RBPJ: variants seen among roughly 807,000 people sequenced by gnomAD.
RBPJ encodes the protein recombining binding protein suppressor of hairless.
In RBPJ, 9 loss-of-function variants were observed where a neutral mutation model predicts 67.8. That is an observed-to-expected ratio of 0.13 (90% CI 0.08 to 0.23). The LOEUF (loss-of-function observed/expected upper bound fraction) is 0.23, where lower values mean the gene tolerates loss of function less well. Among genes scored for constraint, RBPJ ranks in the 10% least tolerant of loss-of-function variants. The pLI, the probability that RBPJ is intolerant of heterozygous loss-of-function variation, is 1.00. For synonymous variants in RBPJ, 198 were observed against 203.3 expected (o/e 0.97, Z 0.22); for missense variants, 305 against 595.6 (o/e 0.51, Z 5.08).
At chr4:26,133,965 G>T in the RBPJ span, among the ~76,000 whole-genome samples, 1 of 151,934 alleles carries the variant, frequency 6.6e-6, no homozygotes, top group African/African-American at 2.4e-5. Flanking sequence ...TCTCCAACAG[G>T]GACTGTCAGA....
chr4:26,397,049 G>A (rs1732192909), intron 2 of RBPJ, among the ~76,000 whole-genome samples: 2 of 152,226 alleles, frequency 1.3e-5, no homozygotes, highest in African/African-American at 4.8e-5. Context: ...GGAGATCTTA[G>A]TCTGGTCTAA....
At position 26,431,185 on chromosome 4, in the gene RBPJ, A is replaced by T. The variant is rs1289236648; in HGVS notation, c.*178A>T. On this transcript the variant is annotated 3_prime_UTR_variant, in exon 11 of 11. Coordinates refer to ENST00000355476, the MANE Select transcript of RBPJ (RefSeq NM_015874.6). ...TGATTTGAAATGCAGAAGCCACAGT[A>T]AAAAAAAAAAAAAAAAAAAAAAAAA... 1.1e-4 allele frequency: 12 copies of T among 107,380 alleles called. No individual in the cohort carries two copies. The highest frequency in any genetic ancestry group is 4.2e-4 in the East Asian group (2 of 4,750). The allele number at this position is 107,380 out of a possible 1,614,324, so 6.7% of individuals were successfully genotyped here.
At chr4:26,156,169 T>C in the RBPJ span, among the ~76,000 whole-genome samples, 1 of 152,154 alleles carries the variant, frequency 6.6e-6, no homozygotes, top group South Asian at 2.1e-4. Flanking sequence ...TGTATAAAAA[T>C]ACCTAGTGCA....
intron 3 of RBPJ, among the ~76,000 whole-genome samples, chr4:26,411,424 G>T (rs1266717424): frequency 2.0e-5 from 3 of 151,732 alleles, no homozygotes; most frequent in Non-Finnish European, 4.4e-5. Context: ...CGAAGTATGG[G>T]CAACAACTTG....
At chr4:26,167,186 C>G (rs1242346534) in intron 1 of RBPJ, among the ~76,000 whole-genome samples, 3 of 152,032 alleles carry the variant, frequency 2.0e-5, no homozygotes, top group Non-Finnish European at 4.4e-5. Flanking sequence ...TTAGGATTGA[C>G]TTGGCGATGC....
the RBPJ span, among the ~76,000 whole-genome samples, chr4:26,134,327 G>T: frequency 0.5 from 76,637 of 151,920 alleles, 19,383 homozygotes; most frequent in East Asian, 0.59. Context: ...CATGACCTGA[G>T]ACATAATTTG....
chr4:26,131,869 C>T, the RBPJ span, among the ~76,000 whole-genome samples: 1 of 152,296 alleles, frequency 6.6e-6, no homozygotes, highest in South Asian at 2.1e-4. Flanking sequence ...CAATAGATCC[C>T]ACCTCTCCCC....
intron 1 of RBPJ, among the ~76,000 whole-genome samples, chr4:26,173,149 T>C (rs1327165178): frequency 6.6e-6 from 1 of 152,168 alleles, no homozygotes; most frequent in Non-Finnish European, 1.5e-5. Flanking sequence ...TTTTTTTCTT[T>C]TTTTGAGACA....
At chr4:26,141,789 C>T in the RBPJ span, among the ~76,000 whole-genome samples, 2 of 152,198 alleles carry the variant, frequency 1.3e-5, no homozygotes, top group African/African-American at 4.8e-5. Context: ...ACCAACCTCT[C>T]CTTATCCTCT....
At chr4:26,224,760 T>C (rs949044500) in intron 1 of RBPJ, among the ~76,000 whole-genome samples, 6 of 152,246 alleles carry the variant, frequency 3.9e-5, no homozygotes, top group Admixed American at 2.0e-4. Flanking sequence ...GCTAAATGTA[T>C]GCCAGTCAGG....
chr4:26,408,141 T>C (rs1040038913), intron 3 of RBPJ, among the ~76,000 whole-genome samples: 2 of 152,010 alleles, frequency 1.3e-5, no homozygotes, highest in Non-Finnish European at 2.9e-5. Flanking sequence ...TCCCAAAGGA[T>C]TACAGGCATG....
At chr4:26,315,487 A>C (rs1722581878), upstream of RBPJ, among the ~76,000 whole-genome samples, 1 of 152,086 alleles carries the variant, frequency 6.6e-6, no homozygotes, top group Admixed American at 6.6e-5. Flanking sequence ...AGGAGAACAA[A>C]GATCACATGC....
At chr4:26,138,376 A>G in the RBPJ span, among the ~76,000 whole-genome samples, 147 of 151,472 alleles carry the variant, frequency 9.7e-4, no homozygotes, top group African/African-American at 3.5e-3. Context: ...CACTAGAGAA[A>G]AAAAAAAAGG....
At chr4:26,394,971 C>G (rs1165121353) in intron 2 of RBPJ, among the ~76,000 whole-genome samples, 1 of 152,088 alleles carries the variant, frequency 6.6e-6, no homozygotes, top group Non-Finnish European at 1.5e-5. Flanking sequence ...AATATTTTTT[C>G]TCTGTCACTT....
chr4:26,109,448 CTCTCTCTCTCTCTATATA>C, the RBPJ span, among the ~76,000 whole-genome samples: 3 of 26,326 alleles, frequency 1.1e-4, no homozygotes, highest in African/African-American at 5.2e-4. Flanking sequence ...CTCTCTCTCT[CTCTCTCTCTCTCTATATA>C]TATATATATA....
intron 1 of RBPJ, among the ~76,000 whole-genome samples, chr4:26,203,495 T>C (rs978622510): frequency 1.3e-5 from 2 of 152,130 alleles, no homozygotes; most frequent in Non-Finnish European, 2.9e-5. Context: ...CTGTCATAAA[T>C]TTATTTATCT....
intron 1 of RBPJ, among the ~76,000 whole-genome samples, chr4:26,357,973 G>A (rs1292272758): frequency 1.3e-5 from 2 of 151,570 alleles, no homozygotes; most frequent in East Asian, 1.9e-4. Context: ...TAAGTAACTT[G>A]GGTTACTTAT....
Position 26,430,393 on chromosome 4 carries a change from G to T in RBPJ, c.1045-26G>T, listed in dbSNP as rs757139957. 3 of 1,552,696 alleles carry T rather than the reference G, an allele frequency of 1.9e-6. No homozygotes were observed. The South Asian group carries it at 3.4e-5, about 17-fold the overall frequency. ...TAATGAAAAATGAAAAGTTTTCTCAGTGTTGTGATTTTCTGTGAATTGCAG... is the reference window on the plus strand; with the variant it reads ...TAATGAAAAATGAAAAGTTTTCTCATTGTTGTGATTTTCTGTGAATTGCAG... On this transcript the variant is annotated intron_variant, in intron 9 of 10. Coordinates refer to ENST00000355476, the MANE Select transcript of RBPJ (RefSeq NM_015874.6). This position sits in a 1 kb window ranked among gnomAD's most constrained non-coding sequence, Gnocchi z 4.1.
chr4:26,284,880 G>T (rs1344783546), intron 1 of RBPJ, among the ~76,000 whole-genome samples: 3 of 147,326 alleles, frequency 2.0e-5, no homozygotes, highest in African/African-American at 5.0e-5. Flanking sequence ...CTTTTGAAAT[G>T]AAGTCTTACT....
Sources: gnomAD v4.1 joint callset for allele counts (sites outside exome capture counted in the v4.1 genomes callset) on GRCh38, gnomAD v4.1.1 for gene constraint, Gnocchi (gnomAD v3.1) non-coding constraint, MANE v1.5 for transcripts, NCBI Gene and HGNC (gene_info 2026-07-23, HGNC 2026-07-21) for gene names.